Variants in MTHFD2L observed in about 807,000 individuals in gnomAD.
MTHFD2L encodes methylenetetrahydrofolate dehydrogenase (NADP+ dependent) 2 like, also known as bifunctional methylenetetrahydrofolate dehydrogenase/cyclohydrolase 2, mitochondrial.
A neutral mutation model predicts 34.9 loss-of-function variants in MTHFD2L; 29 were observed. The observed-to-expected ratio is 0.83, with a 90% CI of 0.62 to 1.13. The LOEUF (loss-of-function observed/expected upper bound fraction) is 1.13. Among genes scored for constraint, MTHFD2L ranks in the 50% most tolerant of loss-of-function variants. The pLI, the probability that MTHFD2L is intolerant of heterozygous loss-of-function variation, is 0.00. For synonymous variants in MTHFD2L, 167 were observed against 155.7 expected (o/e 1.07, Z -0.54); for missense variants, 481 against 446.5 (o/e 1.08, Z -0.70).
At chr4:74,133,371 G>T (rs545559523) in intron 1 of MTHFD2L, among the ~76,000 whole-genome samples, 17 of 152,170 alleles carry the variant, frequency 1.1e-4, no homozygotes, top group African/African-American at 4.1e-4. Context: ...TTTGGAAAGT[G>T]CTCTGTTATT....
chr4:74,223,724 T>G (rs1738640207), intron 5 of MTHFD2L, among the ~76,000 whole-genome samples: 1 of 152,148 alleles, frequency 6.6e-6, no homozygotes, highest in Admixed American at 6.6e-5. Context: ...GGTACATTGC[T>G]AAGTTCTTAA....
intron 6 of MTHFD2L, among the ~76,000 whole-genome samples, chr4:74,242,721 A>G (rs893482352): frequency 2.0e-5 from 3 of 152,200 alleles, no homozygotes; most frequent in Non-Finnish European, 4.4e-5. Flanking sequence ...TTTGCTTTAT[A>G]TCAAGTGTAA....
At chr4:74,274,138 C>G (rs1290205671) in intron 6 of MTHFD2L, among the ~76,000 whole-genome samples, 6 of 152,062 alleles carry the variant, frequency 3.9e-5, no homozygotes, top group Admixed American at 3.3e-4. Context: ...AGGCATAAGC[C>G]ACTACACCCA....
intron 7 of MTHFD2L, among the ~76,000 whole-genome samples, chr4:74,299,268 G>T (rs889586317): frequency 6.6e-6 from 1 of 151,666 alleles, no homozygotes; most frequent in African/African-American, 2.4e-5. Flanking sequence ...TTATTTAGCA[G>T]AATTTTATTT....
chr4:74,270,187 TACTTTA>T (rs1412411670), intron 6 of MTHFD2L, among the ~76,000 whole-genome samples: 1 of 152,044 alleles, frequency 6.6e-6, no homozygotes, highest in East Asian at 1.9e-4. Flanking sequence ...ATTATTATTA[TACTTTA>T]ACTTCTAGAG....
chr4:74,217,011 G>A (rs976819363), intron 5 of MTHFD2L, among the ~76,000 whole-genome samples: 5 of 151,650 alleles, frequency 3.3e-5, no homozygotes, highest in African/African-American at 4.9e-5. Flanking sequence ...TCCTTACCAC[G>A]ATATGCAAGA....
intron 6 of MTHFD2L, among the ~76,000 whole-genome samples, chr4:74,277,485 A>C (rs28588511): frequency 0.062 from 9,373 of 152,124 alleles, 712 homozygotes; most frequent in African/African-American, 0.17. Flanking sequence ...GTCACTGTTA[A>C]GTGGCAGGGG....
intron 5 of MTHFD2L, among the ~76,000 whole-genome samples, chr4:74,212,952 C>T (rs1418701401): frequency 6.6e-6 from 1 of 151,702 alleles, no homozygotes; most frequent in Non-Finnish European, 1.5e-5. Flanking sequence ...ATGTAATGCC[C>T]TTCTTTGTCT....
chr4:74,169,231 T>C (rs1727390499), intron 1 of MTHFD2L, among the ~76,000 whole-genome samples: 1 of 152,206 alleles, frequency 6.6e-6, no homozygotes, highest in South Asian at 2.1e-4. Context: ...TGAACAGTCT[T>C]AGACTTGAGT....
Position 74,223,146 on chromosome 4 carries a change from T to C in MTHFD2L, c.713-2156T>C, listed in dbSNP as rs77520105. ...CACATGCAAACGTTCATTGCAGCACTATTCACAGTCACAAAGATATGAAAT... is the reference window on the plus strand; with the variant it reads ...CACATGCAAACGTTCATTGCAGCACCATTCACAGTCACAAAGATATGAAAT... On this transcript the variant is annotated intron_variant, in intron 5 of 7. Coordinates refer to ENST00000325278, the MANE Select transcript of MTHFD2L (RefSeq NM_001144978.3). 2.0e-5 allele frequency among the ~76,000 whole-genome samples: 3 copies of C among 152,004 alleles called. No homozygotes were observed. The East Asian group carries it at 5.8e-4, about 29-fold the overall frequency.
chr4:74,182,128 C>G (rs1396574163), intron 3 of MTHFD2L, among the ~76,000 whole-genome samples: 1 of 151,904 alleles, frequency 6.6e-6, no homozygotes, highest in Non-Finnish European at 1.5e-5. Flanking sequence ...TTTATATTTC[C>G]TTTCTCTATG....
intron 6 of MTHFD2L, among the ~76,000 whole-genome samples, chr4:74,245,411 TATC>T (rs1484159783): frequency 3.3e-5 from 5 of 152,020 alleles, no homozygotes; most frequent in South Asian, 4.1e-4. Flanking sequence ...GCTTATATAA[TATC>T]ATTAAATATA....
chr4:74,183,921 A>G (rs1730662396), intron 3 of MTHFD2L: 2 of 152,194 alleles, frequency 1.3e-5, no homozygotes, highest in Non-Finnish European at 2.9e-5. Context: ...TATGGCAACA[A>G]TAGCACAAAA....
chr4:74,174,591 C>T lies in MTHFD2L; in HGVS notation c.229C>T (p.Leu77Phe), dbSNP rs765101549. The change falls in exon 2 of 8, where the codon CTT (leucine) becomes TTT (phenylalanine). Residue 77 changes from leucine to phenylalanine, a missense_variant. By Grantham distance (22) the Leu-to-Phe change is conservative. Transcript: ENST00000325278. ...GCGAGGTGTGGAATCATGGGTTTCC[C>T]TTGGAAACAGAAGACCTCACCTCAG... ...IQRGVESWVS[L>F]GNRRPHLSII... 3 of 1,607,620 alleles carry T rather than the reference C, an allele frequency of 1.9e-6. No individual in the cohort carries two copies. The South Asian group carries it at 3.3e-5, about 18-fold the overall frequency.
At chr4:74,261,665 A>G (rs1247420282) in intron 6 of MTHFD2L, among the ~76,000 whole-genome samples, 1 of 152,096 alleles carries the variant, frequency 6.6e-6, no homozygotes, top group Non-Finnish European at 1.5e-5. Context: ...TTTATTTGAA[A>G]TAGTTCAAAA....
At chr4:74,287,283 G>A (rs1037627525) in intron 7 of MTHFD2L, among the ~76,000 whole-genome samples, 1 of 152,072 alleles carries the variant, frequency 6.6e-6, no homozygotes, top group African/African-American at 2.4e-5. Context: ...TTACTGATTT[G>A]CCATGCTGAA....
At chr4:74,284,542 T>C (rs1248764966) in intron 7 of MTHFD2L, among the ~76,000 whole-genome samples, 1 of 151,978 alleles carries the variant, frequency 6.6e-6, no homozygotes, top group Non-Finnish European at 1.5e-5. Flanking sequence ...TTTTTTTTTT[T>C]CTTGTAAATT....
intron 3 of MTHFD2L, among the ~76,000 whole-genome samples, chr4:74,196,963 A>AT (rs1367243635): frequency 2.0e-5 from 3 of 151,002 alleles, no homozygotes; most frequent in Non-Finnish European, 4.4e-5. Context: ...AAAAAAAAAA[A>AT]CCCATACAAA....
At chr4:74,228,849 G>A (rs886715667) in intron 6 of MTHFD2L, among the ~76,000 whole-genome samples, 1 of 152,186 alleles carries the variant, frequency 6.6e-6, no homozygotes, top group African/African-American at 2.4e-5. Flanking sequence ...TGGGTGTTGA[G>A]GCTGTCCCAC....
Sources: gnomAD v4.1 joint callset for allele counts (sites outside exome capture counted in the v4.1 genomes callset) on GRCh38, gnomAD v4.1.1 for gene constraint, MANE v1.5 for transcripts, NCBI Gene and HGNC (gene_info 2026-07-23, HGNC 2026-07-21) for gene names.